GRIK1: variants seen among roughly 807,000 people sequenced by gnomAD.
The protein encoded by GRIK1 is glutamate receptor ionotropic, kainate 1.
A neutral mutation model predicts 105.7 loss-of-function variants in GRIK1; 69 were observed. The observed-to-expected ratio is 0.65, with a 90% CI of 0.54 to 0.80. The LOEUF (loss-of-function observed/expected upper bound fraction) is 0.80, where lower values mean the gene tolerates loss of function less well. Among genes scored for constraint, GRIK1 ranks in the 30% least tolerant of loss-of-function variants. The pLI is 0.00. For synonymous variants in GRIK1, 438 were observed against 431.3 expected, an observed-to-expected ratio of 1.02 and a Z score of -0.19; for missense variants, 1,109 against 1,167.3, an observed-to-expected ratio of 0.95 and a Z score of 0.73.
intron 3 of GRIK1, among the ~76,000 whole-genome samples, chr21:29,673,382 G>T (rs753857515): frequency 2.6e-5 from 4 of 151,986 alleles, no homozygotes; most frequent in African/African-American, 9.7e-5. Flanking sequence ...AATTTTCCCA[G>T]GAGCATTTTA....
chr21:29,778,708 A>G (rs2066010606), intron 1 of GRIK1, among the ~76,000 whole-genome samples: 1 of 152,216 alleles, frequency 6.6e-6, no homozygotes, highest in African/African-American at 2.4e-5. Flanking sequence ...AAATGTGACA[A>G]AAATTAATCT....
At position 29,750,022 on chromosome 21, in the gene GRIK1, G is replaced by T. The variant is rs192636866; in HGVS notation, c.119-55959C>A. On this transcript the variant is annotated intron_variant, in intron 1 of 17. Transcript: ENST00000327783. ...AATATTAGTAGTAGTTGTTATAGAAGAGTATTAGTAGTATTAGTTGTAGGG... is the reference window on the plus strand; with the variant it reads ...AATATTAGTAGTAGTTGTTATAGAATAGTATTAGTAGTATTAGTTGTAGGG... 7.9e-5 allele frequency among the ~76,000 whole-genome samples: 12 copies of T among 152,016 alleles called. No homozygotes were observed. In the East Asian group the frequency reaches 2.3e-3, roughly 29 times the overall value.
chr21:29,756,440 A>G (rs748456170), intron 1 of GRIK1, among the ~76,000 whole-genome samples: 1 of 152,202 alleles, frequency 6.6e-6, no homozygotes, highest in African/African-American at 2.4e-5. Flanking sequence ...CTAATGCCAC[A>G]TGGTAATTGC....
At chr21:29,888,119 C>G (rs1225600785) in intron 1 of GRIK1, among the ~76,000 whole-genome samples, 2 of 150,876 alleles carry the variant, frequency 1.3e-5, no homozygotes, top group Non-Finnish European at 3.0e-5. Flanking sequence ...GCCTCCTTGT[C>G]TCCATTTTAT....
chr21:29,816,606 G>A (rs1601770536), intron 1 of GRIK1, among the ~76,000 whole-genome samples: 1 of 152,098 alleles, frequency 6.6e-6, no homozygotes, highest in Non-Finnish European at 1.5e-5. Context: ...ATACTATTCA[G>A]CCATAAATAA....
intron 15 of GRIK1, 26 bp from the exon 16 acceptor site, chr21:29,555,328 G>A: frequency 6.2e-7 from 1 of 1,600,186 alleles, no homozygotes; most frequent in Non-Finnish European, 8.5e-7. Context: ...TCTGGATATT[G>A]GTCACCAAAA....
intron 1 of GRIK1, among the ~76,000 whole-genome samples, chr21:29,906,999 CTCTT>C (rs2070663842): frequency 6.6e-6 from 1 of 151,014 alleles, no homozygotes; most frequent in Admixed American, 6.6e-5. Context: ...TTTTGCTTCT[CTCTT>C]TGAGATGAAT....
At chr21:29,896,436 A>G (rs2070162785) in intron 1 of GRIK1, among the ~76,000 whole-genome samples, 1 of 152,216 alleles carries the variant, frequency 6.6e-6, no homozygotes, top group Non-Finnish European at 1.5e-5. Flanking sequence ...AAAGGAAAAC[A>G]AGTTCTTTGA....
intron 12 of GRIK1, among the ~76,000 whole-genome samples, chr21:29,586,924 C>G (rs1159768160): frequency 6.6e-6 from 1 of 152,122 alleles, no homozygotes; most frequent in Non-Finnish European, 1.5e-5. Flanking sequence ...AAGGGTTTCA[C>G]AATCTTTTTA....
chr21:29,740,688 A>G (rs1400093639), intron 1 of GRIK1, among the ~76,000 whole-genome samples: 1 of 152,190 alleles, frequency 6.6e-6, no homozygotes, highest in Non-Finnish European at 1.5e-5. Flanking sequence ...ATCTTTAACA[A>G]TCTATTAGCC....
intron 1 of GRIK1, among the ~76,000 whole-genome samples, chr21:29,757,571 C>A (rs532100762): frequency 1.3e-5 from 2 of 152,108 alleles, no homozygotes; most frequent in Non-Finnish European, 2.9e-5. Flanking sequence ...CTAATAAATA[C>A]CTGCTTAAAA....
At chr21:29,668,841 G>A (rs137908968) in intron 4 of GRIK1, among the ~76,000 whole-genome samples, 45 of 152,204 alleles carry the variant, frequency 3.0e-4, no homozygotes, top group African/African-American at 9.9e-4. Flanking sequence ...GCGAAGAGTC[G>A]GCGAAAGAGT....
chr21:29,542,075 G>A (rs917049256), intron 16 of GRIK1, among the ~76,000 whole-genome samples: 1 of 151,880 alleles, frequency 6.6e-6, no homozygotes, highest in Non-Finnish European at 1.5e-5. Flanking sequence ...TTAGAGGAAA[G>A]GAAATGGAGA....
intron 4 of GRIK1, among the ~76,000 whole-genome samples, chr21:29,660,935 T>A (rs1316707866): frequency 6.6e-6 from 1 of 152,204 alleles, no homozygotes; most frequent in Non-Finnish European, 1.5e-5. Context: ...TGATATCAAG[T>A]CTCCGAGCAG....
chr21:29,937,086 A>G (rs1358159937), intron 1 of GRIK1, among the ~76,000 whole-genome samples: 2 of 152,160 alleles, frequency 1.3e-5, no homozygotes, highest in Non-Finnish European at 2.9e-5. Context: ...CTTTTTCCTT[A>G]CACACACTCA....
rs2090218446 is a variant in GRIK1, at chr21:29,555,135, G to A, written c.2524C>T (p.Leu842=). 1 of 1,613,628 alleles carries A rather than the reference G, an allele frequency of 6.2e-7. No homozygotes were observed. The highest frequency in any genetic ancestry group is 1.7e-5 in the Admixed American group (1 of 59,990). ...VENIGGIFIV[L]AAGLVLSVFV... ...ACAGAAAGGACCAGTCCGGCAGCCA[G>A]AACAATGAAGATGCCTCCAATATTT... Residue 842 remains leucine, a synonymous_variant, in exon 16 of 18, where the codon CTG becomes TTG. Coordinates refer to ENST00000327783, the MANE Select transcript of GRIK1 (RefSeq NM_001330994.2).
At chr21:29,892,312 T>TA (rs1450156522) in intron 1 of GRIK1, among the ~76,000 whole-genome samples, 2 of 152,010 alleles carry the variant, frequency 1.3e-5, no homozygotes, top group African/African-American at 4.8e-5. Flanking sequence ...AGCTAGGAGG[T>TA]AAAGGAAGGA....
rs2067549634 is a variant in GRIK1 at position 29,828,879 on chromosome 21, G to A, written c.118+110504C>T. Among the ~76,000 whole-genome samples the A allele has an allele frequency of 2.0e-5, 3 of 152,080 alleles. No individual in the cohort carries two copies. In the South Asian group the frequency reaches 6.2e-4, roughly 32 times the overall value. On this transcript the variant is annotated intron_variant, in intron 1 of 17. Transcript: ENST00000327783. ...CATTTACAGATGAGGAATTAGTTCAGTAATGCTGAAAACTTGTTCAAGGTC... is the reference window on the plus strand; with the variant it reads ...CATTTACAGATGAGGAATTAGTTCAATAATGCTGAAAACTTGTTCAAGGTC...
At chr21:29,873,635 T>G (rs1224323042) in intron 1 of GRIK1, among the ~76,000 whole-genome samples, 3 of 152,240 alleles carry the variant, frequency 2.0e-5, no homozygotes, top group African/African-American at 7.2e-5. Context: ...CCTTTTTTAT[T>G]ATGAAGCATC....
Sources: gnomAD v4.1 joint callset for allele counts (sites outside exome capture counted in the v4.1 genomes callset) on GRCh38, gnomAD v4.1.1 for gene constraint, MANE v1.5 for transcripts, NCBI Gene and HGNC (gene_info 2026-07-23, HGNC 2026-07-21) for gene names.